KIAA0513: variants seen among roughly 807,000 people sequenced by gnomAD.
KIAA0513 encodes KIAA0513.
A neutral mutation model predicts 56.5 loss-of-function variants in KIAA0513; 39 were observed. The ratio of observed to expected loss-of-function variants is 0.69; its 90% CI spans 0.53 to 0.90. KIAA0513 has a LOEUF of 0.90. Ranked by LOEUF, KIAA0513 falls within the 40% of genes least tolerant of loss-of-function variation. The probability of loss-of-function intolerance (pLI) is 0.00; values close to 1 mark genes in which losing one functional copy is unlikely to be tolerated. For missense variants in KIAA0513, 591 were observed against 535.2 expected, an observed-to-expected ratio of 1.10 and a Z score of -1.03; for synonymous variants, 268 against 215.6, an observed-to-expected ratio of 1.24 and a Z score of -2.13.
Position 85,093,699 on chromosome 16 carries a change from C to CTGT in KIAA0513, c.*5377_*5379dup, listed in dbSNP as rs979779396. 5 of 152,298 alleles carry CTGT rather than the reference C, an allele frequency of 3.3e-5. No individual in the cohort carries two copies. The highest frequency in any genetic ancestry group is 7.3e-5 in the Non-Finnish European group (5 of 68,090). 9.4% of individuals were successfully genotyped at this position (152,298 alleles called of 1,614,324 possible). A position where few individuals can be genotyped will look rare whatever the true frequency, so the allele number is the denominator to read the frequency against. On this transcript the variant is annotated 3_prime_UTR_variant, in exon 13 of 13. Transcript: ENST00000683363. ...AAGAGACAGCTTGGCTTGGCTTTGG[C>CTGT]TGTTGGGGAGGAGTCCCTGCCATCC...
rs888118702 is a variant in KIAA0513, at chr16:85,081,008, A to G, written c.903-307A>G. 6.6e-6 allele frequency among the ~76,000 whole-genome samples: 1 copy of G among 152,284 alleles called. No individual in the cohort carries two copies. The highest frequency in any genetic ancestry group is 1.5e-5 in the Non-Finnish European group (1 of 68,020). On this transcript the variant is annotated intron_variant, in intron 8 of 12. Coordinates refer to ENST00000683363, the MANE Select transcript of KIAA0513 (RefSeq NM_001388359.1). The surrounding 1 kb of genome is among the most constrained non-coding windows in gnomAD (Gnocchi z 4.4). ...AAAACGACCCACCTCCGTGTCCTAC[A>G]GATGGTGGCTTCAACTTTGCCCGCC...
intron 1 of KIAA0513, among the ~76,000 whole-genome samples, chr16:85,059,165 T>G (rs949009839): frequency 1.3e-5 from 2 of 152,250 alleles, no homozygotes; most frequent in African/African-American, 4.8e-5. Context: ...AATCTCTTTT[T>G]GGCTCAGATA....
intron 1 of KIAA0513, among the ~76,000 whole-genome samples, chr16:85,064,339 T>G (rs11644038): frequency 0.067 from 10,153 of 152,194 alleles, 364 homozygotes; most frequent in Middle Eastern, 0.088. Context: ...TTTCTACCCA[T>G]CTCCCCAGTT....
At position 85,081,399 on chromosome 16, in the gene KIAA0513, G is replaced by A. The variant is rs1432844442; in HGVS notation, c.980+7G>A. Reference sequence around the variant, plus strand: ...AGCGATCTCCCACTACCAGGTAGGAGCAAAGTGTGGCCCCATTTGGCCTCA... The same window carrying A: ...AGCGATCTCCCACTACCAGGTAGGAACAAAGTGTGGCCCCATTTGGCCTCA... On this transcript the variant is annotated splice_region_variant and intron_variant, in intron 9 of 12. Coordinates refer to ENST00000683363, the MANE Select transcript of KIAA0513 (RefSeq NM_001388359.1). This position sits in a 1 kb window ranked among gnomAD's most constrained non-coding sequence, Gnocchi z 4.4. 1 of 1,556,816 alleles carries A rather than the reference G, an allele frequency of 6.4e-7. No homozygotes were observed. Among genetic ancestry groups the A allele is most frequent in the African/African-American group, 1.4e-5 (1 of 73,258 alleles).
Position 85,076,828 on chromosome 16 carries a change from T to C in KIAA0513, c.575-597T>C, listed in dbSNP as rs1001816953. Among the ~76,000 whole-genome samples the C allele has an allele frequency of 6.6e-5, 10 of 152,108 alleles. No individual in the cohort carries two copies. Among genetic ancestry groups the C allele is most frequent in the Non-Finnish European group, 8.8e-5 (6 of 67,996 alleles). On this transcript the variant is annotated intron_variant, in intron 5 of 12. Transcript: ENST00000683363. This position sits in a 1 kb window ranked among gnomAD's most constrained non-coding sequence, Gnocchi z 4.7. ...GAAGAACGGATAGACACATAATGAA[T>C]AGACACTGCTTCCTGAGACAGGGCC...
chr16:85,035,774 C>T (rs552696714), intron 1 of KIAA0513, among the ~76,000 whole-genome samples: 38 of 152,116 alleles, frequency 2.5e-4, no homozygotes, highest in Non-Finnish European at 7.4e-5. Flanking sequence ...GTCAGGAGAT[C>T]GAGACCATCC....
At chr16:85,064,857 G>T (rs1399592858) in intron 1 of KIAA0513, among the ~76,000 whole-genome samples, 1 of 152,062 alleles carries the variant, frequency 6.6e-6, no homozygotes, top group East Asian at 1.9e-4. Context: ...GCTAATTTTT[G>T]TATTTGTAGT....
At position 85,067,150 on chromosome 16, in the gene KIAA0513, C is replaced by T. The variant is rs1444928444; in HGVS notation, c.79C>T (p.Pro27Ser). ...ACCCACCTCTTCTCCCCTGGAGGCA[C>T]CACCCCCTGTGCTGCAGGACGGCGA... Reference protein sequence around the residue: ...EAPTSSPLEAPPPVLQDGDGS... With the variant: ...EAPTSSPLEASPPVLQDGDGS... The change falls in exon 2 of 13, where the codon CCA becomes TCA. Residue 27 changes from proline to serine, a missense_variant. Physicochemically the swap from Pro to Ser is moderately conservative, Grantham distance 74 (BLOSUM62 -1). Coordinates refer to ENST00000683363, the MANE Select transcript of KIAA0513 (RefSeq NM_001388359.1). 2.5e-6 allele frequency: 4 copies of T among 1,613,882 alleles called. No individual in the cohort carries two copies. Among genetic ancestry groups the T allele is most frequent in the East Asian group, 2.2e-5 (1 of 44,898 alleles).
At chr16:85,028,972 C>T (rs2072926045) in intron 1 of KIAA0513, among the ~76,000 whole-genome samples, 1 of 152,202 alleles carries the variant, frequency 6.6e-6, no homozygotes, top group Non-Finnish European at 1.5e-5. Flanking sequence ...AAAAGCAGGG[C>T]AGAGAGATGC....
At chr16:85,087,239 G>A (rs548852069) in intron 12 of KIAA0513, 73 bp downstream of exon 12, 87 of 1,199,836 alleles carry the variant, frequency 7.3e-5, no homozygotes, top group Non-Finnish European at 9.4e-5. Context: ...GCCCGCTGGC[G>A]CTTCTGCACT....
intron 2 of KIAA0513, among the ~76,000 whole-genome samples, chr16:85,070,617 G>T (rs2073559420): frequency 6.6e-6 from 1 of 152,214 alleles, no homozygotes; most frequent in Non-Finnish European, 1.5e-5. Flanking sequence ...GGCAGAGGTT[G>T]CAATGAGCTG....
intron 2 of KIAA0513, among the ~76,000 whole-genome samples, chr16:85,069,602 A>G (rs1321053964): frequency 6.6e-6 from 1 of 151,854 alleles, no homozygotes; most frequent in East Asian, 1.9e-4. Flanking sequence ...GGACGCACAC[A>G]CACCCCGGAG....
chr16:85,060,651 C>T (rs926036689), intron 1 of KIAA0513, among the ~76,000 whole-genome samples: 2 of 151,948 alleles, frequency 1.3e-5, no homozygotes, highest in African/African-American at 4.8e-5. Context: ...CAAATCTGGG[C>T]AACATAGTGA....
chr16:85,089,701 G>A lies in KIAA0513; in HGVS notation c.*1376G>A, dbSNP rs1300196505. ...GGCTACCTCCTCTGACATGCGGTCAGATAAGTCCCGTCTTGTTTGTGAGTA... is the reference window on the plus strand; with the variant it reads ...GGCTACCTCCTCTGACATGCGGTCAAATAAGTCCCGTCTTGTTTGTGAGTA... On this transcript the variant is annotated 3_prime_UTR_variant, in exon 13 of 13. Transcript: ENST00000683363. This position sits in a 1 kb window ranked among gnomAD's most constrained non-coding sequence, Gnocchi z 4.2. 1 of 152,254 alleles carries A rather than the reference G, an allele frequency of 6.6e-6. No individual in the cohort carries two copies. Among genetic ancestry groups the A allele is most frequent in the Non-Finnish European group, 1.5e-5 (1 of 68,092 alleles). 9.4% of individuals were successfully genotyped at this position (152,254 alleles called of 1,614,324 possible). A position where few individuals can be genotyped will look rare whatever the true frequency, so the allele number is the denominator to read the frequency against.
chr16:85,058,266 T>C (rs1374699180), intron 1 of KIAA0513, among the ~76,000 whole-genome samples: 1 of 152,222 alleles, frequency 6.6e-6, no homozygotes, highest in East Asian at 1.9e-4. Context: ...CAGGGAGCTC[T>C]TCTCTTCACC....
chr16:85,090,379 G>T lies in KIAA0513; in HGVS notation c.*2054G>T, dbSNP rs984402513. On this transcript the variant is annotated 3_prime_UTR_variant, in exon 13 of 13. Coordinates refer to ENST00000683363, the MANE Select transcript of KIAA0513 (RefSeq NM_001388359.1). Reference sequence around the variant, plus strand: ...ATGCATTCAGACTTTGTTCTGCGGTGCCCACAGGACTTACCCCTGTATGTA... The same window carrying T: ...ATGCATTCAGACTTTGTTCTGCGGTTCCCACAGGACTTACCCCTGTATGTA... 1 of 152,154 alleles carries T rather than the reference G, an allele frequency of 6.6e-6. No homozygotes were observed. Among genetic ancestry groups the T allele is most frequent in the Non-Finnish European group, 1.5e-5 (1 of 68,038 alleles). The allele number at this position is 152,154 out of a possible 1,614,324, so 9.4% of individuals were successfully genotyped here.
intron 8 of KIAA0513, chr16:85,079,669 G>C (rs1248647989): frequency 6.6e-6 from 1 of 152,440 alleles, no homozygotes; most frequent in East Asian, 1.9e-4. Flanking sequence ...ACTGCTGATG[G>C]GGATGGGGCT....
At chr16:85,032,810 T>A (rs2072983898) in intron 1 of KIAA0513, among the ~76,000 whole-genome samples, 1 of 152,096 alleles carries the variant, frequency 6.6e-6, no homozygotes, top group Admixed American at 6.6e-5. Context: ...TTTTGTATTT[T>A]TAGTAGAGGC....
intron 9 of KIAA0513, among the ~76,000 whole-genome samples, chr16:85,082,278 C>T (rs1163882107): frequency 2.0e-5 from 3 of 152,010 alleles, no homozygotes; most frequent in East Asian, 1.9e-4. Flanking sequence ...CAGAGGGGCT[C>T]GTGGAGAGGG....
Sources: allele counts gnomAD v4.1 joint callset (sites outside exome capture counted in the v4.1 genomes callset), GRCh38; gene constraint gnomAD v4.1.1; non-coding constraint Gnocchi (gnomAD v3.1); transcripts MANE v1.5; gene names NCBI Gene and HGNC (gene_info 2026-07-23, HGNC 2026-07-21).